Variants in MSI2 observed in about 807,000 individuals in gnomAD.
The protein encoded by MSI2 is musashi RNA binding protein 2, also known as RNA-binding protein Musashi homolog 2.
Under a neutral mutation model 45.6 loss-of-function variants are expected in MSI2, and 17 were observed. The ratio of observed to expected loss-of-function variants is 0.37; its 90% CI spans 0.26 to 0.56. The LOEUF (loss-of-function observed/expected upper bound fraction) is 0.56, where lower values mean the gene tolerates loss of function less well. MSI2 is among the 20% of genes least tolerant of loss of function. The pLI is 0.77. For synonymous variants in MSI2, 156 were observed against 158.2 expected (o/e 0.99, Z 0.11); for missense variants, 293 against 444.2 (o/e 0.66, Z 3.06).
intron 8 of MSI2, among the ~76,000 whole-genome samples, chr17:57,607,694 T>C (rs1489058232): frequency 1.3e-5 from 2 of 152,186 alleles, no homozygotes; most frequent in Non-Finnish European, 2.9e-5. Context: ...GGGTAATTTA[T>C]TTAAAAAAGA....
At chr17:57,451,785 C>A (rs900584561) in intron 6 of MSI2, among the ~76,000 whole-genome samples, 1 of 152,214 alleles carries the variant, frequency 6.6e-6, no homozygotes, top group African/African-American at 2.4e-5. Context: ...ACCAGCCTTC[C>A]TCCTCACATC....
chr17:57,544,766 AC>A (rs1351552842), intron 7 of MSI2, among the ~76,000 whole-genome samples: 1 of 152,178 alleles, frequency 6.6e-6, no homozygotes, highest in African/African-American at 2.4e-5. Context: ...ATATGCCAAG[AC>A]CATTACCAAA....
chr17:57,347,035 A>T (rs1297120864), intron 5 of MSI2, among the ~76,000 whole-genome samples: 1 of 152,200 alleles, frequency 6.6e-6, no homozygotes, highest in African/African-American at 2.4e-5. Flanking sequence ...TGCCTTAAAG[A>T]TTCAGGGCTG....
At chr17:57,678,930 C>A (rs532337039) in intron 13 of MSI2, among the ~76,000 whole-genome samples, 1 of 152,354 alleles carries the variant, frequency 6.6e-6, no homozygotes, top group African/African-American at 2.4e-5. Context: ...AGGCCCCCTA[C>A]TCCCAGTCAA....
intron 5 of MSI2, among the ~76,000 whole-genome samples, chr17:57,392,057 C>G (rs1006509305): frequency 1.3e-5 from 2 of 152,220 alleles, no homozygotes; most frequent in African/African-American, 4.8e-5. Context: ...GCAGAGCAGC[C>G]TGGGTGCCTG....
chr17:57,499,104 G>A (rs1421848246), intron 6 of MSI2, among the ~76,000 whole-genome samples: 1 of 151,954 alleles, frequency 6.6e-6, no homozygotes, highest in Non-Finnish European at 1.5e-5. Flanking sequence ...GGCCAGACGC[G>A]GTGGCTCATG....
downstream of MSI2, among the ~76,000 whole-genome samples, chr17:57,685,931 C>T (rs1276525351): frequency 1.3e-5 from 2 of 152,248 alleles, no homozygotes; most frequent in Admixed American, 1.3e-4. Flanking sequence ...GGCCCAAACC[C>T]AGCCCAGGAG....
intron 7 of MSI2, among the ~76,000 whole-genome samples, chr17:57,538,491 T>C (rs2086970272): frequency 6.6e-6 from 1 of 152,178 alleles, no homozygotes; most frequent in Non-Finnish European, 1.5e-5. Context: ...AGTTACAAGA[T>C]GTTTTACTCC....
At chr17:57,526,177 A>C (rs573717280) in intron 6 of MSI2, among the ~76,000 whole-genome samples, 1 of 152,108 alleles carries the variant, frequency 6.6e-6, no homozygotes, top group African/African-American at 2.4e-5. Context: ...GTGAGCCAAG[A>C]TCATGCCATT....
chr17:57,295,037 A>G (rs1910796801), intron 5 of MSI2, among the ~76,000 whole-genome samples: 1 of 152,092 alleles, frequency 6.6e-6, no homozygotes. Context: ...GAGCCAGGGA[A>G]GGCTTCATAG....
downstream of MSI2, among the ~76,000 whole-genome samples, chr17:57,689,395 G>A (rs994924308): frequency 6.6e-6 from 1 of 152,168 alleles, no homozygotes; most frequent in South Asian, 2.1e-4. Context: ...TGCCAAAAGA[G>A]TCCTGTGGTC....
chr17:57,492,656 C>T (rs1035494170), intron 6 of MSI2, among the ~76,000 whole-genome samples: 6 of 151,998 alleles, frequency 3.9e-5, no homozygotes, highest in Non-Finnish European at 8.8e-5. Flanking sequence ...GTTGCCCAGG[C>T]TGTAGTGCAA....
chr17:57,488,103 A>G (rs1199714241), intron 6 of MSI2, among the ~76,000 whole-genome samples: 1 of 152,104 alleles, frequency 6.6e-6, no homozygotes, highest in Non-Finnish European at 1.5e-5. Flanking sequence ...GCAGCAGCCA[A>G]GCCACCTTCA....
chr17:57,672,775 G>C (rs1329382790), intron 11 of MSI2, among the ~76,000 whole-genome samples: 1 of 150,522 alleles, frequency 6.6e-6, no homozygotes, highest in Non-Finnish European at 1.5e-5. Flanking sequence ...AGCTTCTTCT[G>C]TTTTCCTGAG....
intron 10 of MSI2, among the ~76,000 whole-genome samples, chr17:57,644,421 G>A (rs1187952745): frequency 1.3e-5 from 2 of 151,982 alleles, no homozygotes; most frequent in Non-Finnish European, 2.9e-5. Context: ...TCCAGCCACT[G>A]TCTTTCTCTG....
Position 57,458,322 on chromosome 17 carries a change from G to C in MSI2, c.405+56851G>C, listed in dbSNP as rs919405793. On this transcript the variant is annotated intron_variant, in intron 6 of 13. Coordinates refer to ENST00000284073, the MANE Select transcript of MSI2 (RefSeq NM_138962.4). ...TCACTGTGTTAGCCAGGATGGTCTC[G>C]ATCTCTTGACCTCGTGATCCACCCG... 2.0e-5 allele frequency among the ~76,000 whole-genome samples: 3 copies of C among 152,078 alleles called. No homozygotes were observed. The East Asian group carries it at 5.8e-4, about 29-fold the overall frequency.
At chr17:57,320,170 C>G (rs113599844) in intron 5 of MSI2, among the ~76,000 whole-genome samples, 3 of 152,174 alleles carry the variant, frequency 2.0e-5, no homozygotes, top group African/African-American at 7.2e-5. Context: ...TACAATTACT[C>G]TCTGAGATTT....
chr17:57,453,654 A>G (rs983133767), intron 6 of MSI2, among the ~76,000 whole-genome samples: 1 of 152,226 alleles, frequency 6.6e-6, no homozygotes, highest in Non-Finnish European at 1.5e-5. Flanking sequence ...CTATTACTTC[A>G]TTTAACCTAT....
chr17:57,478,250 G>A (rs2085580185), intron 6 of MSI2, among the ~76,000 whole-genome samples: 1 of 152,214 alleles, frequency 6.6e-6, no homozygotes, highest in Non-Finnish European at 1.5e-5. Flanking sequence ...ATGAGAAGAA[G>A]CCATTTGGCA....
Sources: gnomAD v4.1 joint callset for allele counts (sites outside exome capture counted in the v4.1 genomes callset) on GRCh38, gnomAD v4.1.1 for gene constraint, MANE v1.5 for transcripts, NCBI Gene and HGNC (gene_info 2026-07-23, HGNC 2026-07-21) for gene names.